The following C1orf159 variants were observed in gnomAD, a reference collection of about 807,000 sequenced individuals.
The protein encoded by C1orf159 is chromosome 1 open reading frame 159.
C1orf159 carries 19 observed loss-of-function variants against 25.6 expected under a neutral mutation model. The observed-to-expected ratio is 0.74, with a 90% CI of 0.52 to 1.09. C1orf159 has a LOEUF of 1.09. Ranked by LOEUF, C1orf159 falls within the 50% of genes least tolerant of loss-of-function variation. The pLI, the probability that C1orf159 is intolerant of heterozygous loss-of-function variation, is 0.00. For synonymous variants in C1orf159, 139 were observed against 124.7 expected, an observed-to-expected ratio of 1.12 and a Z score of -0.77; for missense variants, 274 against 290.6, an observed-to-expected ratio of 0.94 and a Z score of 0.42.
intron 9 of C1orf159, chr1:1,084,095 C>G (rs1645788754): frequency 6.3e-7 from 1 of 1,596,822 alleles, no homozygotes; most frequent in Non-Finnish European, 8.5e-7. Context: ...GTCTCGGGAA[C>G]AGGAAAGAGC....
chr1:1,082,831 C>A lies in C1orf159; in HGVS notation c.*62G>T. 1 of 1,437,550 alleles carries A rather than the reference C, an allele frequency of 7.0e-7. No individual in the cohort carries two copies. Among genetic ancestry groups the A allele is most frequent in the South Asian group, 1.2e-5 (1 of 81,766 alleles). 89.0% of individuals were successfully genotyped at this position (1,437,550 alleles called of 1,614,324 possible). On this transcript the variant is annotated 3_prime_UTR_variant, in exon 10 of 10. Transcript: ENST00000421241. ...GATGCCAACACTTTGTGCTGGTTCCCGCCAAGGGGTCGGCCTCCGGGTCCC... is the reference window on the plus strand; with the variant it reads ...GATGCCAACACTTTGTGCTGGTTCCAGCCAAGGGGTCGGCCTCCGGGTCCC...
chr1:1,093,134 C>T lies in C1orf159; in HGVS notation c.-135-1031G>A, dbSNP rs577849546. On this transcript the variant is annotated intron_variant, in intron 1 of 9. Coordinates refer to ENST00000421241, the MANE Select transcript of C1orf159 (RefSeq NM_017891.5). Reference sequence around the variant, plus strand: ...GTTGAAGTCACAGACATGCTGCTCGCCCCACCCACAGAGTGCAATCAAGTC... The same window carrying T: ...GTTGAAGTCACAGACATGCTGCTCGTCCCACCCACAGAGTGCAATCAAGTC... Among the ~76,000 whole-genome samples the T allele has an allele frequency of 2.1e-4, 32 of 152,296 alleles. No individual in the cohort carries two copies. In the South Asian group the frequency reaches 2.9e-3, roughly 14 times the overall value.
At chr1:1,092,380 C>T in intron 1 of C1orf159, 1 of 172,502 alleles carries the variant, frequency 5.8e-6, no homozygotes, top group Non-Finnish European at 1.3e-5. Flanking sequence ...GTACGGAGCT[C>T]AGTGGCCCAG....
At chr1:1,100,495 C>A (rs764812933) in intron 1 of C1orf159, among the ~76,000 whole-genome samples, 3 of 152,214 alleles carry the variant, frequency 2.0e-5, no homozygotes, top group Non-Finnish European at 4.4e-5. Flanking sequence ...GACAGTGACA[C>A]ATCACCACCA....
rs936893408 is a variant in C1orf159, at chr1:1,089,168, C to A, written c.148+1185G>T. Among the ~76,000 whole-genome samples the A allele has an allele frequency of 6.6e-6, 1 of 152,160 alleles. No homozygotes were observed. Among genetic ancestry groups the A allele is most frequent in the Non-Finnish European group, 1.5e-5 (1 of 68,016 alleles). On this transcript the variant is annotated intron_variant, in intron 4 of 9. Coordinates refer to ENST00000421241, the MANE Select transcript of C1orf159 (RefSeq NM_017891.5). The surrounding 1 kb of genome is among the most constrained non-coding windows in gnomAD (Gnocchi z 7.5). The stretch of plus-strand genomic sequence containing the variant: ...ACCGCAGGCCCGGCCCCTCCCCACG[C>A]GCGCCAGACGGTCCCCACCCTGCGC...
In C1orf159 at chr1:1,089,532, AC is replaced by A. The variant is rs772139110; in HGVS notation, c.148+820del. On this transcript the variant is annotated intron_variant, in intron 4 of 9. Transcript: ENST00000421241. The surrounding 1 kb of genome is among the most constrained non-coding windows in gnomAD (Gnocchi z 7.5). ...CCTTCCTGTGGGCTCCCCAACCCCC[AC>A]GCCCAGCCTCGGACCCCCGCGCCCA... is the stretch of plus-strand genomic sequence containing the variant. Among the ~76,000 whole-genome samples the A allele has an allele frequency of 1.1e-4, 16 of 150,776 alleles. No homozygotes were observed. The South Asian group carries it at 2.5e-3, about 24-fold the overall frequency.
At chr1:1,096,160 A>G (rs9651273) in intron 1 of C1orf159, among the ~76,000 whole-genome samples, 123,525 of 152,156 alleles carry the variant, frequency 0.81, 50,908 homozygotes, top group East Asian at 0.98. Flanking sequence ...TTGGTATTGG[A>G]TTATATTGCC....
rs1030673192 is a variant in C1orf159 at position 1,082,873 on chromosome 1, G to A, written c.*20C>T. 6.4e-7 allele frequency: 1 copy of A among 1,564,928 alleles called. No homozygotes were observed. Among genetic ancestry groups the A allele is most frequent in the Non-Finnish European group, 8.7e-7 (1 of 1,153,192 alleles). ...CCGGGTCCCTGCCGCCAAGTGCGTG[G>A]CGTGGTCTCGGCCTCCAGGTCAGAC... is the stretch of plus-strand genomic sequence containing the variant. On this transcript the variant is annotated 3_prime_UTR_variant, in exon 10 of 10. Transcript: ENST00000421241.
chr1:1,096,221 G>A (rs1183109202), intron 1 of C1orf159, among the ~76,000 whole-genome samples: 2 of 152,170 alleles, frequency 1.3e-5, no homozygotes, highest in Admixed American at 1.3e-4. Context: ...GAGAGACAGG[G>A]TCTCACTCTG....
chr1:1,105,720 A>T (rs1646161488), intron 1 of C1orf159, among the ~76,000 whole-genome samples: 2 of 147,558 alleles, frequency 1.4e-5, no homozygotes, highest in African/African-American at 5.3e-5. Context: ...TCTCTACTTA[A>T]AACACAAAAA....
intron 7 of C1orf159, among the ~76,000 whole-genome samples, chr1:1,085,574 C>T (rs1051094299): frequency 9.9e-5 from 15 of 152,240 alleles, no homozygotes; most frequent in East Asian, 1.9e-4. Context: ...CCGCTCCACT[C>T]GCCCCTCGTG....
At chr1:1,095,338 ATCT>A (rs1426916660) in intron 1 of C1orf159, among the ~76,000 whole-genome samples, 1 of 152,208 alleles carries the variant, frequency 6.6e-6, no homozygotes, top group Non-Finnish European at 1.5e-5. Context: ...ATCCCTCCGC[ATCT>A]TCTTCAATTT....
chr1:1,086,680 G>A (rs543372431), intron 6 of C1orf159, among the ~76,000 whole-genome samples: 1 of 152,372 alleles, frequency 6.6e-6, no homozygotes, highest in South Asian at 2.1e-4. Context: ...TGCCACTCAG[G>A]TCAGCAATGG....
At position 1,103,567 on chromosome 1, in the gene C1orf159, GCA is replaced by G. The variant is rs1210933258; in HGVS notation, c.-135-11466_-135-11465del. Among the ~76,000 whole-genome samples, 2 of 152,222 alleles carry G rather than the reference GCA, an allele frequency of 1.3e-5. 1 individual carries two copies. Among genetic ancestry groups the G allele is most frequent in the African/African-American group, 4.8e-5 (2 of 41,448 alleles). ...CTCAGGTCACTGCATGGCACAGGGT[GCA>G]CGCAGGGGTCAGGGGTCTGCCAGAA... On this transcript the variant is annotated intron_variant, in intron 1 of 9. Coordinates refer to ENST00000421241, the MANE Select transcript of C1orf159 (RefSeq NM_017891.5).
At position 1,107,797 on chromosome 1, in the gene C1orf159, G is replaced by A. The variant is rs181750878; in HGVS notation, c.-136+8263C>T. On this transcript the variant is annotated intron_variant, in intron 1 of 9. Coordinates refer to ENST00000421241, the MANE Select transcript of C1orf159 (RefSeq NM_017891.5). ...TCTTTCGCTCTTTGCAATAAATCTT[G>A]CTGCTGCTCACTCTTTGGGTCTGCA... Among the ~76,000 whole-genome samples, 333 of 152,264 alleles carry A rather than the reference G, an allele frequency of 2.2e-3. 4 individuals carry two copies. The Middle Eastern group carries it at 0.027, about 12-fold the overall frequency.
At chr1:1,098,235 A>C (rs1646036382) in intron 1 of C1orf159, among the ~76,000 whole-genome samples, 1 of 151,992 alleles carries the variant, frequency 6.6e-6, no homozygotes, top group South Asian at 2.1e-4. Context: ...ACGCCCAGCT[A>C]ATTTTTTAAA....
At chr1:1,090,554 G>T in intron 3 of C1orf159, 126 bp from the exon 4 acceptor site, 1 of 1,022,682 alleles carries the variant, frequency 9.8e-7, no homozygotes, top group Non-Finnish European at 1.5e-6. Context: ...CTCTTCTGGA[G>T]TCAGCATCGG....
At position 1,082,816 on chromosome 1, in the gene C1orf159, C is replaced by G; in HGVS notation, c.*77G>C. On this transcript the variant is annotated 3_prime_UTR_variant, in exon 10 of 10. Coordinates refer to ENST00000421241, the MANE Select transcript of C1orf159 (RefSeq NM_017891.5). ...TCCCGGGCGCCGGGCGATGCCAACA[C>G]TTTGTGCTGGTTCCCGCCAAGGGGT... 7.4e-7 allele frequency: 1 copy of G among 1,351,596 alleles called. No individual in the cohort carries two copies. Among genetic ancestry groups the G allele is most frequent in the Non-Finnish European group, 1.0e-6 (1 of 966,266 alleles). 83.7% of individuals were successfully genotyped at this position (1,351,596 alleles called of 1,614,324 possible). A position where few individuals can be genotyped will look rare whatever the true frequency, so the allele number is the denominator to read the frequency against.
At chr1:1,104,896 G>A (rs1232897294) in intron 1 of C1orf159, among the ~76,000 whole-genome samples, 1 of 152,072 alleles carries the variant, frequency 6.6e-6, no homozygotes, top group Non-Finnish European at 1.5e-5. Flanking sequence ...TACAGATCCT[G>A]GGTCTCCAAG....
Sources: gnomAD v4.1 joint callset for allele counts (sites outside exome capture counted in the v4.1 genomes callset) on GRCh38, gnomAD v4.1.1 for gene constraint, Gnocchi (gnomAD v3.1) non-coding constraint, MANE v1.5 for transcripts, NCBI Gene and HGNC (gene_info 2026-07-23, HGNC 2026-07-21) for gene names.